The following ZNF438 variants were observed in gnomAD, a reference collection of about 807,000 sequenced individuals.
ZNF438 encodes zinc finger protein 438.
A neutral mutation model predicts 38.0 loss-of-function variants in ZNF438; 25 were observed. The ratio of observed to expected loss-of-function variants is 0.66; its 90% CI spans 0.48 to 0.92. The LOEUF is 0.92. Ranked by LOEUF, ZNF438 falls within the 40% of genes least tolerant of loss-of-function variation. The probability of loss-of-function intolerance (pLI) is 0.00; values close to 1 mark genes in which losing one functional copy is unlikely to be tolerated. For synonymous variants in ZNF438, 372 were observed against 364.1 expected (o/e 1.02, Z -0.25); for missense variants, 1,007 against 999.6 (o/e 1.01, Z -0.10).
intron 1 of ZNF438, among the ~76,000 whole-genome samples, chr10:30,983,513 C>G (rs1375280476): frequency 6.6e-6 from 1 of 152,096 alleles, no homozygotes; most frequent in Non-Finnish European, 1.5e-5. Flanking sequence ...GAAGGAAATT[C>G]GCCCTCATGA....
At chr10:30,951,939 C>T (rs2048255828) in intron 1 of ZNF438, among the ~76,000 whole-genome samples, 1 of 151,602 alleles carries the variant, frequency 6.6e-6, no homozygotes, top group African/African-American at 2.4e-5. Context: ...GCCCGCATTG[C>T]CAAGTCAATC....
At chr10:30,871,547 T>G (rs918365589) in intron 4 of ZNF438, among the ~76,000 whole-genome samples, 1 of 152,216 alleles carries the variant, frequency 6.6e-6, no homozygotes, top group Non-Finnish European at 1.5e-5. Context: ...TTCCTCAAAC[T>G]TTAAGAATGA....
At chr10:30,947,757 C>T (rs902724575) in intron 1 of ZNF438, among the ~76,000 whole-genome samples, 6 of 152,228 alleles carry the variant, frequency 3.9e-5, no homozygotes, top group South Asian at 2.1e-4. Flanking sequence ...GTCGGAAAAG[C>T]GCAGTATTCG....
rs143270357 is a variant in ZNF438, at chr10:30,889,616, G to C, written c.-31-12551C>G. Among the ~76,000 whole-genome samples, 778 of 152,328 alleles carry C rather than the reference G, an allele frequency of 5.1e-3. 4 individuals are homozygous for C. Among genetic ancestry groups the C allele is most frequent in the African/African-American group, 0.018 (754 of 41,564 alleles). On this transcript the variant is annotated intron_variant, in intron 3 of 5. Transcript: ENST00000413025. Reference sequence around the variant, plus strand: ...AGATGGGGTTTCACCATGTTGGCCAGGCTGGTCTTGAACTCCTGACCTGAA... The same window carrying C: ...AGATGGGGTTTCACCATGTTGGCCACGCTGGTCTTGAACTCCTGACCTGAA...
chr10:30,959,947 T>C (rs1404176145), intron 1 of ZNF438, among the ~76,000 whole-genome samples: 1 of 147,344 alleles, frequency 6.8e-6, no homozygotes, highest in Non-Finnish European at 1.5e-5. Context: ...CACTATATAC[T>C]GTCTTTTTTA....
chr10:30,851,032 C>A (rs544718008), intron 4 of ZNF438, among the ~76,000 whole-genome samples: 3 of 152,266 alleles, frequency 2.0e-5, no homozygotes, highest in Admixed American at 1.3e-4. Context: ...CTTCTCACAC[C>A]TTTCAAACTG....
chr10:30,845,133 GACC>G (rs1452537249), exon 6 of ZNF438: 1 of 1,614,180 alleles, frequency 6.2e-7, no homozygotes, highest in East Asian at 2.2e-5. Flanking sequence ...GCCTGAATGG[GACC>G]ACAAGAGAAA....
chr10:31,021,924 GAACTCAA>G (rs2056624437), intron 1 of ZNF438, among the ~76,000 whole-genome samples: 1 of 139,734 alleles, frequency 7.2e-6, no homozygotes, highest in African/African-American at 3.4e-5. Context: ...AGCTGCCAAA[GAACTCAA>G]CATTGACCAT....
intron 2 of ZNF438, among the ~76,000 whole-genome samples, chr10:30,915,467 G>A (rs1394028099): frequency 6.6e-6 from 1 of 151,960 alleles, no homozygotes; most frequent in Non-Finnish European, 1.5e-5. Context: ...TTTATTATTT[G>A]TTATCCAAAG....
intron 1 of ZNF438, among the ~76,000 whole-genome samples, chr10:30,987,040 A>AAACTG (rs2052888956): frequency 6.6e-6 from 1 of 152,182 alleles, no homozygotes; most frequent in African/African-American, 2.4e-5. Context: ...GCTGTGCCCA[A>AAACTG]AACTGCAATA....
chr10:31,017,107 G>T (rs1241673969), intron 1 of ZNF438, among the ~76,000 whole-genome samples: 3 of 152,162 alleles, frequency 2.0e-5, no homozygotes, highest in African/African-American at 7.2e-5. Context: ...TGAGATTAAT[G>T]CAATTAAGTC....
At chr10:30,914,692 C>T (rs979697920) in intron 2 of ZNF438, among the ~76,000 whole-genome samples, 2 of 151,970 alleles carry the variant, frequency 1.3e-5, no homozygotes, top group African/African-American at 4.8e-5. Flanking sequence ...TACTCGACTA[C>T]AGAATTCCAA....
At chr10:31,010,892 G>GGAAAAAAAAAAA (rs2055616839) in intron 1 of ZNF438, among the ~76,000 whole-genome samples, 7 of 92,588 alleles carry the variant, frequency 7.6e-5, no homozygotes, top group Non-Finnish European at 1.4e-4. Flanking sequence ...GACCCTGTTT[G>GGAAAAAAAAAAA]AAAAAAAAAA....
intron 1 of ZNF438, among the ~76,000 whole-genome samples, chr10:31,023,638 G>C (rs577581648): frequency 2.0e-5 from 3 of 152,196 alleles, no homozygotes; most frequent in Admixed American, 2.0e-4. Flanking sequence ...GAAAGGAAAA[G>C]ATTGTTCTTT....
intron 2 of ZNF438, among the ~76,000 whole-genome samples, chr10:30,923,763 G>A (rs1371984631): frequency 6.6e-6 from 1 of 150,712 alleles, no homozygotes; most frequent in East Asian, 1.9e-4. Flanking sequence ...TTCCTTGATA[G>A]GAGGAAAAAC....
In ZNF438 at chr10:30,854,372, C is replaced by G. The variant is rs185865960; in HGVS notation, c.38-4005G>C. The stretch of plus-strand genomic sequence containing the variant: ...ATACTGCCTGGCTTCCCTAGAATTC[C>G]TAGAGGACAGGGAGTTGGTCTGTGT... On this transcript the variant is annotated intron_variant, in intron 4 of 5. Coordinates refer to ENST00000413025, the Ensembl canonical transcript of ZNF438. 3.8e-3 allele frequency among the ~76,000 whole-genome samples: 580 copies of G among 152,210 alleles called. 5 individuals are homozygous for G. The highest frequency in any genetic ancestry group is 0.011 in the African/African-American group (469 of 41,540).
At chr10:30,919,537 T>C (rs2044046436) in intron 2 of ZNF438, 1 of 152,228 alleles carries the variant, frequency 6.6e-6, no homozygotes, top group Non-Finnish European at 1.5e-5. Context: ...ATTATGTTCT[T>C]ATTCACTTAA....
chr10:31,009,618 C>A (rs2055472920), intron 1 of ZNF438, among the ~76,000 whole-genome samples: 1 of 152,196 alleles, frequency 6.6e-6, no homozygotes, highest in African/African-American at 2.4e-5. Context: ...TTGGCAGTAT[C>A]CTGCAAAACC....
intron 1 of ZNF438, among the ~76,000 whole-genome samples, chr10:31,014,366 G>T (rs2056002749): frequency 6.6e-6 from 1 of 152,138 alleles, no homozygotes; most frequent in African/African-American, 2.4e-5. Context: ...GCCACTTCTG[G>T]GCTTGCAGAC....
Sources: allele counts gnomAD v4.1 joint callset (sites outside exome capture counted in the v4.1 genomes callset), GRCh38; gene constraint gnomAD v4.1.1; transcripts MANE v1.5; gene names NCBI Gene and HGNC (gene_info 2026-07-23, HGNC 2026-07-21).